The following MAGI2 variants were observed in gnomAD, a reference collection of about 807,000 sequenced individuals.
MAGI2 encodes membrane associated guanylate kinase, WW and PDZ domain containing 2, also known as membrane-associated guanylate kinase, WW and PDZ domain-containing protein 2.
In MAGI2, 35 loss-of-function variants were observed where a neutral mutation model predicts 133.3. That is an observed-to-expected ratio of 0.26 (90% CI 0.20 to 0.35). The LOEUF (loss-of-function observed/expected upper bound fraction) is 0.35. MAGI2 is among the 10% of genes least tolerant of loss of function. The probability of loss-of-function intolerance (pLI) is 1.00; values close to 1 mark genes in which losing one functional copy is unlikely to be tolerated. For synonymous variants in MAGI2, 729 were observed against 710.6 expected (o/e 1.03, Z -0.41); for missense variants, 1,636 against 1,863.4 (o/e 0.88, Z 2.25).
chr7:78,805,745 A>C (rs532784558), intron 2 of MAGI2, among the ~76,000 whole-genome samples: 1 of 152,270 alleles, frequency 6.6e-6, no homozygotes, highest in African/African-American at 2.4e-5. Flanking sequence ...AAAGACACTC[A>C]AGCAGCCCTA....
chr7:79,379,871 T>C (rs1459727354), intron 1 of MAGI2, among the ~76,000 whole-genome samples: 1 of 151,810 alleles, frequency 6.6e-6, no homozygotes, highest in Non-Finnish European at 1.5e-5. Flanking sequence ...TTGTTTGTTT[T>C]TTTCTTGTAA....
At chr7:78,125,483 A>G (rs1820890602) in intron 20 of MAGI2, among the ~76,000 whole-genome samples, 1 of 152,148 alleles carries the variant, frequency 6.6e-6, no homozygotes, top group Non-Finnish European at 1.5e-5. Flanking sequence ...ACTGAGGTTA[A>G]TCAATTAGAA....
At chr7:78,083,420 G>GAGAGAGAGAC (rs1816261169) in intron 20 of MAGI2, among the ~76,000 whole-genome samples, 1 of 128,164 alleles carries the variant, frequency 7.8e-6, no homozygotes, top group Non-Finnish European at 1.6e-5. Context: ...GAGAGAGAGA[G>GAGAGAGAGAC]AGAGAGAGAG....
chr7:79,014,133 A>T (rs1808451906), intron 1 of MAGI2, among the ~76,000 whole-genome samples: 1 of 152,224 alleles, frequency 6.6e-6, no homozygotes, highest in South Asian at 2.1e-4. Flanking sequence ...ATTTCAGAGA[A>T]AATGACAGAG....
At chr7:78,954,882 T>TA (rs946103667) in intron 2 of MAGI2, among the ~76,000 whole-genome samples, 5 of 152,062 alleles carry the variant, frequency 3.3e-5, no homozygotes, top group African/African-American at 1.2e-4. Context: ...TGAATCAATA[T>TA]AAAAAAAGAG....
At chr7:79,336,045 T>C (rs1262406465) in intron 1 of MAGI2, among the ~76,000 whole-genome samples, 1 of 152,114 alleles carries the variant, frequency 6.6e-6, no homozygotes, top group African/African-American at 2.4e-5. Context: ...TCCAAATCAT[T>C]TAACCAATAT....
chr7:78,298,308 C>A (rs1797494175), intron 9 of MAGI2, among the ~76,000 whole-genome samples: 1 of 152,064 alleles, frequency 6.6e-6, no homozygotes, highest in Admixed American at 6.5e-5. Context: ...CTGGATGGGA[C>A]CCTGGGACAG....
chr7:78,742,527 T>C (rs1168752826), intron 2 of MAGI2, among the ~76,000 whole-genome samples: 1 of 152,164 alleles, frequency 6.6e-6, no homozygotes, highest in African/African-American at 2.4e-5. Flanking sequence ...ACAGGTAAAA[T>C]TTAGTAATTT....
chr7:78,363,516 T>C (rs971695946), intron 7 of MAGI2, among the ~76,000 whole-genome samples: 2 of 149,270 alleles, frequency 1.3e-5, no homozygotes, highest in Admixed American at 6.7e-5. Flanking sequence ...ATAATGATAA[T>C]AATAATAATA....
At chr7:78,326,550 A>G (rs1402676677) in intron 9 of MAGI2, among the ~76,000 whole-genome samples, 1 of 152,178 alleles carries the variant, frequency 6.6e-6, no homozygotes, top group East Asian at 1.9e-4. Flanking sequence ...TGGGTACTCA[A>G]TGCACATGCA....
At chr7:78,602,962 G>A (rs1805368253) in intron 3 of MAGI2, among the ~76,000 whole-genome samples, 1 of 152,174 alleles carries the variant, frequency 6.6e-6, no homozygotes, top group South Asian at 2.1e-4. Flanking sequence ...CAATAATGGG[G>A]AAAGTTAATG....
intron 6 of MAGI2, among the ~76,000 whole-genome samples, chr7:78,429,217 G>A (rs374137743): frequency 6.6e-6 from 1 of 152,014 alleles, no homozygotes; most frequent in Admixed American, 6.6e-5. Context: ...TCGCCACATT[G>A]GTTTTTGTAA....
intron 2 of MAGI2, among the ~76,000 whole-genome samples, chr7:78,864,406 T>G (rs1388822469): frequency 6.6e-6 from 1 of 152,214 alleles, no homozygotes; most frequent in African/African-American, 2.4e-5. Context: ...ATTTTAAATA[T>G]ATATTGCCAA....
intron 21 of MAGI2, among the ~76,000 whole-genome samples, chr7:78,029,580 T>C (rs1809340228): frequency 6.6e-6 from 1 of 152,230 alleles, no homozygotes; most frequent in South Asian, 2.1e-4. Flanking sequence ...CCACCCACCC[T>C]GAGTCCCAAC....
intron 2 of MAGI2, among the ~76,000 whole-genome samples, chr7:78,957,120 C>T (rs1051946572): frequency 6.6e-6 from 1 of 151,772 alleles, no homozygotes; most frequent in Non-Finnish European, 1.5e-5. Context: ...AAAAATTAGT[C>T]GGGCGAGGTG....
chr7:78,689,085 G>A (rs924563386), intron 2 of MAGI2, among the ~76,000 whole-genome samples: 6 of 152,208 alleles, frequency 3.9e-5, no homozygotes, highest in South Asian at 4.2e-4. Context: ...ATATTCTTTC[G>A]CTTTGGTCTT....
intron 1 of MAGI2, among the ~76,000 whole-genome samples, chr7:79,171,764 A>ATTTT (rs1327816263): frequency 8.1e-5 from 2 of 24,792 alleles, no homozygotes; most frequent in African/African-American, 1.9e-4. Context: ...ATATATATAT[A>ATTTT]TATATATTTT....
At chr7:79,413,917 C>A (rs1846312722) in intron 1 of MAGI2, 1 of 152,068 alleles carries the variant, frequency 6.6e-6, no homozygotes, top group Non-Finnish European at 1.5e-5. Context: ...ATTTGCTGAT[C>A]TCTGATGTTT....
At position 79,173,741 on chromosome 7, in the gene MAGI2, G is replaced by T. The variant is rs545308128; in HGVS notation, c.302-166535C>A. On this transcript the variant is annotated intron_variant, in intron 1 of 21. Coordinates refer to ENST00000354212, the MANE Select transcript of MAGI2 (RefSeq NM_012301.4). The stretch of plus-strand genomic sequence containing the variant: ...CTTAAAATTTAGAGTGATGAGGAAG[G>T]GACCTGTTCTATAGAACATTCTACC... Among the ~76,000 whole-genome samples the T allele has an allele frequency of 2.6e-5, 4 of 152,154 alleles. No individual in the cohort carries two copies. The South Asian group carries it at 8.3e-4, about 32-fold the overall frequency.
Sources: allele counts gnomAD v4.1 joint callset (sites outside exome capture counted in the v4.1 genomes callset), GRCh38; gene constraint gnomAD v4.1.1; transcripts MANE v1.5; gene names NCBI Gene and HGNC (gene_info 2026-07-23, HGNC 2026-07-21).